Variants in RGL3 observed in about 807,000 individuals in gnomAD.
RGL3 encodes ral guanine nucleotide dissociation stimulator-like 3.
In RGL3, 85 loss-of-function variants were observed where a neutral mutation model predicts 90.6. The observed-to-expected ratio is 0.94, with a 90% CI of 0.79 to 1.12. The LOEUF is 1.12. Ranked by LOEUF, RGL3 falls within the 50% of genes most tolerant of loss-of-function variation. The pLI is 0.00. For missense variants in RGL3, 1,034 were observed against 939.2 expected, an observed-to-expected ratio of 1.10 and a Z score of -1.32; for synonymous variants, 408 against 385.5, an observed-to-expected ratio of 1.06 and a Z score of -0.68.
intron 5 of RGL3, among the ~76,000 whole-genome samples, chr19:11,408,601 A>G (rs1968822857): frequency 6.7e-6 from 1 of 149,544 alleles, no homozygotes; most frequent in African/African-American, 2.4e-5. Flanking sequence ...AAAAAAAAAG[A>G]TCATGCTACC....
At chr19:11,413,075 C>T (rs1368788161) in intron 5 of RGL3, among the ~76,000 whole-genome samples, 1 of 151,958 alleles carries the variant, frequency 6.6e-6, no homozygotes, top group Admixed American at 6.6e-5. Context: ...CTCCTCTGAC[C>T]TCAAAGAAAC....
intron 5 of RGL3, among the ~76,000 whole-genome samples, chr19:11,414,165 A>ATATACACACACC: frequency 9.0e-6 from 1 of 111,248 alleles, no homozygotes; most frequent in Admixed American, 9.9e-5. Context: ...ATATATATAT[A>ATATACACACACC]TATATATATA....
At chr19:11,398,662 CCTTTT>C (rs1968618275) in intron 16 of RGL3, among the ~76,000 whole-genome samples, 1 of 150,792 alleles carries the variant, frequency 6.6e-6, no homozygotes, top group South Asian at 2.1e-4. Context: ...TCCTTCATTT[CCTTTT>C]CTTTTTTTGT....
At chr19:11,406,668 A>C (rs767776340) in intron 6 of RGL3, 34 bp from the exon 7 acceptor site, 2 of 1,600,952 alleles carry the variant, frequency 1.2e-6, no homozygotes, top group African/African-American at 2.7e-5. Context: ...ATTGGTGCTT[A>C]GCAGAACCTG....
chr19:11,409,156 A>G (rs1393635694), intron 5 of RGL3, among the ~76,000 whole-genome samples: 6 of 149,126 alleles, frequency 4.0e-5, no homozygotes, highest in Non-Finnish European at 8.9e-5. Context: ...CCTGGGTGAC[A>G]GAGACTTTGT....
rs1968914837 is a variant in RGL3, at chr19:11,413,932, G to A, written c.637+2005C>T. ...CTAATATTTTTTTGTATTTTTAGTA[G>A]AGACGGGGTTTCACCATGTTAGCCA... On this transcript the variant is annotated intron_variant, in intron 5 of 18. Coordinates refer to ENST00000380456, the MANE Select transcript of RGL3 (RefSeq NM_001035223.4). Among the ~76,000 whole-genome samples, 2 of 148,190 alleles carry A rather than the reference G, an allele frequency of 1.3e-5. 1 individual carries two copies. Among genetic ancestry groups the A allele is most frequent in the South Asian group, 4.2e-4 (2 of 4,762 alleles).
At chr19:11,401,691 G>A (rs1188260126) in intron 13 of RGL3, among the ~76,000 whole-genome samples, 2 of 151,708 alleles carry the variant, frequency 1.3e-5, no homozygotes, top group Non-Finnish European at 2.9e-5. Context: ...GTGAGCCACC[G>A]TGCCCAGCCA....
At chr19:11,415,846 T>G in intron 5 of RGL3, 91 bp downstream of exon 5, 2 of 1,146,318 alleles carry the variant, frequency 1.7e-6, no homozygotes, top group African/African-American at 1.6e-5. Flanking sequence ...GCTTAAGTTT[T>G]GTAGCTCTGA....
At chr19:11,396,100 ATCTCTCTCTCTCTC>A (rs66711304) in intron 18 of RGL3, among the ~76,000 whole-genome samples, 10 of 33,932 alleles carry the variant, frequency 2.9e-4, no homozygotes, top group Non-Finnish European at 4.2e-4. Flanking sequence ...TGCTCAGCTA[ATCTCTCTCTCTCTC>A]TCTCTCTCTC....
chr19:11,403,378 C>T (rs1303179191), intron 9 of RGL3, among the ~76,000 whole-genome samples: 1 of 148,550 alleles, frequency 6.7e-6, no homozygotes, highest in Non-Finnish European at 1.5e-5. Flanking sequence ...GTGGCTCACG[C>T]CTGTAATCCC....
chr19:11,410,475 A>C (rs1316146279), intron 5 of RGL3, among the ~76,000 whole-genome samples: 2 of 152,008 alleles, frequency 1.3e-5, no homozygotes, highest in Admixed American at 1.3e-4. Context: ...TGAGACCAGG[A>C]GTTTGAGACC....
chr19:11,416,213 TA>T, intron 4 of RGL3, 65 bp from the exon 5 acceptor site: 1 of 991,154 alleles, frequency 1.0e-6, no homozygotes, highest in Non-Finnish European at 1.4e-6. Flanking sequence ...TGACTCCTGG[TA>T]CCTTTTTTTT....
Position 11,402,080 on chromosome 19 carries a change from T to C in RGL3, c.1415A>G (p.Tyr472Cys), listed in dbSNP as rs1235451750. The change falls in exon 13 of 19, where the codon TAC (tyrosine) becomes TGC (cysteine). Residue 472 changes from tyrosine (Y) to cysteine (C), a missense_variant. Tyr to Cys is a radical substitution (Grantham distance 194). Coordinates refer to ENST00000380456, the MANE Select transcript of RGL3 (RefSeq NM_001035223.4). ...GATGGGCGGGTGGGGGCTCAGGGTGTAGCTCTGACAGCGCCTCTGCAGCTG... is the reference window on the plus strand; with the variant it reads ...GATGGGCGGGTGGGGGCTCAGGGTGCAGCTCTGACAGCGCCTCTGCAGCTG... ...IQQLQRRCQS[Y>C]TLSPHPPILA... is the part of the protein sequence containing the mutation. 12 of 1,590,730 alleles carry C rather than the reference T, an allele frequency of 7.5e-6. No individual in the cohort carries two copies. In the Admixed American group the frequency reaches 2.0e-4, roughly 27 times the overall value.
chr19:11,401,505 C>T (rs866101732), intron 13 of RGL3, among the ~76,000 whole-genome samples: 43 of 151,744 alleles, frequency 2.8e-4, no homozygotes, highest in Non-Finnish European at 5.2e-4. Context: ...ACGCCATTCT[C>T]CTGCCTCAGC....
intron 5 of RGL3, among the ~76,000 whole-genome samples, chr19:11,407,487 G>C (rs1333024216): frequency 6.6e-6 from 1 of 151,880 alleles, no homozygotes; most frequent in Non-Finnish European, 1.5e-5. Context: ...TTTGAAGCCG[G>C]GTACTCAAAG....
In RGL3 at chr19:11,412,808, T is replaced by C. The variant is rs186089668; in HGVS notation, c.637+3129A>G. 2.2e-3 allele frequency among the ~76,000 whole-genome samples: 335 copies of C among 151,304 alleles called. 2 individuals carry two copies. The highest frequency in any genetic ancestry group is 7.5e-3 in the African/African-American group (307 of 41,184). ...GGTGAAACCCCGTCTCTACTAAAAC[T>C]ACAAAAAATTAGCTGGGCCTGGTGG... On this transcript the variant is annotated intron_variant, in intron 5 of 18. Coordinates refer to ENST00000380456, the MANE Select transcript of RGL3 (RefSeq NM_001035223.4).
In RGL3 at chr19:11,417,021, T is replaced by C; in HGVS notation, c.186A>G (p.Arg62=). 6.2e-7 allele frequency: 1 copy of C among 1,612,164 alleles called. No individual in the cohort carries two copies. Among genetic ancestry groups the C allele is most frequent in the Non-Finnish European group, 8.5e-7 (1 of 1,178,948 alleles). The part of the protein sequence containing the change: ...SPIANTFLHY[R]TSKVRVLRAA... Reference sequence around the variant, plus strand: ...CCCTCAGCACCCTCACCTTGCTGGTTCGATAGTGGAGGAAGGTATTGGCAA... The same window carrying C: ...CCCTCAGCACCCTCACCTTGCTGGTCCGATAGTGGAGGAAGGTATTGGCAA... Residue 62 remains arginine (R), a synonymous_variant, in exon 3 of 19, where the codon CGA becomes CGG. Transcript: ENST00000380456.
At chr19:11,408,845 TC>T (rs1277051453) in intron 5 of RGL3, 1 of 152,122 alleles carries the variant, frequency 6.6e-6, no homozygotes. Flanking sequence ...TTCTACTCTT[TC>T]CCCCCTTCTC....
chr19:11,403,640 CA>C (rs889376839), intron 9 of RGL3, among the ~76,000 whole-genome samples: 2,380 of 49,398 alleles, frequency 0.048, 42 homozygotes, highest in African/African-American at 0.15. Flanking sequence ...AACTCCATCT[CA>C]AAAAAAAAAA....
Sources: allele counts gnomAD v4.1 joint callset (sites outside exome capture counted in the v4.1 genomes callset), GRCh38; gene constraint gnomAD v4.1.1; transcripts MANE v1.5; gene names NCBI Gene and HGNC (gene_info 2026-07-23, HGNC 2026-07-21).